The following KALRN variants were observed in gnomAD, a reference collection of about 807,000 sequenced individuals.
KALRN encodes the protein kalirin.
Under a neutral mutation model 353.7 loss-of-function variants are expected in KALRN, and 70 were observed. The ratio of observed to expected loss-of-function variants is 0.20; its 90% CI spans 0.16 to 0.24. The LOEUF is 0.24. KALRN is among the 10% of genes least tolerant of loss of function. The probability of loss-of-function intolerance (pLI) is 1.00; values close to 1 mark genes in which losing one functional copy is unlikely to be tolerated. For synonymous variants in KALRN, 1,391 were observed against 1,434.8 expected (o/e 0.97, Z 0.69); for missense variants, 2,791 against 3,756.7 (o/e 0.74, Z 6.72).
chr3:124,174,673 C>T (rs1242203566), intron 1 of KALRN, among the ~76,000 whole-genome samples: 2 of 152,192 alleles, frequency 1.3e-5, no homozygotes, highest in African/African-American at 4.8e-5. Flanking sequence ...CCCCTCAGGC[C>T]CCCATGCATG....
chr3:124,426,270 T>C (rs1172435793), intron 15 of KALRN, among the ~76,000 whole-genome samples: 2 of 152,202 alleles, frequency 1.3e-5, no homozygotes, highest in African/African-American at 4.8e-5. Context: ...AAAAGGGAGT[T>C]AATTTAGATG....
At chr3:124,463,901 C>T (rs1044611521) in intron 25 of KALRN, among the ~76,000 whole-genome samples, 8 of 152,052 alleles carry the variant, frequency 5.3e-5, no homozygotes, top group South Asian at 2.1e-4. Flanking sequence ...TGAAGCAATA[C>T]GCTCTGGGGG....
At chr3:124,464,478 A>G (rs1416807859) in intron 25 of KALRN, among the ~76,000 whole-genome samples, 3 of 152,186 alleles carry the variant, frequency 2.0e-5, no homozygotes, top group Non-Finnish European at 4.4e-5. Context: ...CAGTTACAAT[A>G]TATAGTTCTA....
chr3:124,220,875 C>T (rs974877601), intron 1 of KALRN, among the ~76,000 whole-genome samples: 4 of 152,202 alleles, frequency 2.6e-5, no homozygotes, highest in African/African-American at 4.8e-5. Context: ...CCAACCTCCC[C>T]GTATCCTCAA....
At chr3:124,552,328 C>T (rs970823028) in intron 33 of KALRN, among the ~76,000 whole-genome samples, 3 of 152,220 alleles carry the variant, frequency 2.0e-5, no homozygotes, top group Admixed American at 6.5e-5. Context: ...CTCTTCCCAT[C>T]TCCAGTCCTG....
intron 17 of KALRN, among the ~76,000 whole-genome samples, chr3:124,437,216 A>T (rs1008984228): frequency 2.2e-4 from 29 of 134,762 alleles, no homozygotes; most frequent in East Asian, 1.4e-3. Flanking sequence ...TCACCTCAAG[A>T]TTGGTGACAG....
At chr3:124,319,872 T>C (rs1285530817) in intron 6 of KALRN, among the ~76,000 whole-genome samples, 1 of 151,950 alleles carries the variant, frequency 6.6e-6, no homozygotes, top group Non-Finnish European at 1.5e-5. Context: ...CATGCGCCTG[T>C]AATCGCAGCT....
chr3:124,238,162 A>G (rs1379267713), intron 3 of KALRN, among the ~76,000 whole-genome samples: 1 of 152,226 alleles, frequency 6.6e-6, no homozygotes, highest in Non-Finnish European at 1.5e-5. Flanking sequence ...GAAGCAGCAC[A>G]TTAAGGCACC....
chr3:124,667,617 C>A (rs1406052190), intron 47 of KALRN, among the ~76,000 whole-genome samples: 1 of 152,212 alleles, frequency 6.6e-6, no homozygotes, highest in Non-Finnish European at 1.5e-5. Flanking sequence ...CTCCTCTGCT[C>A]CCAACAGTGT....
Position 124,674,551 on chromosome 3 carries a change from C to T in KALRN, c.7130C>T (p.Pro2377Leu), listed in dbSNP as rs1441404451. ...DHSPAAEGWV[P>L]GSILAPLTKA... is the part of the protein sequence containing the mutation. ...TCCCCCGCCGCCGAGGGCTGGGTCC[C>T]AGGCAGCATCCTGGCGCCCCTCACC... is the stretch of plus-strand genomic sequence containing the variant. Residue 2377 changes from proline (P) to leucine (L), a missense_variant, in exon 49 of 60, where the codon CCA (proline) becomes CTA (leucine). By Grantham distance (98) the Pro-to-Leu change is moderately conservative. Coordinates refer to ENST00000682506, the MANE Select transcript of KALRN (RefSeq NM_001388419.1). 6.2e-7 allele frequency: 1 copy of T among 1,612,652 alleles called. No homozygotes were observed. The highest frequency in any genetic ancestry group is 8.5e-7 in the Non-Finnish European group (1 of 1,179,200).
At chr3:124,046,751 C>T (rs1488874949) in intron 1 of KALRN, among the ~76,000 whole-genome samples, 1 of 152,092 alleles carries the variant, frequency 6.6e-6, no homozygotes, top group Admixed American at 6.5e-5. Flanking sequence ...GCTTTAAGGC[C>T]TTTTGGAGGC....
intron 35 of KALRN, 141 bp downstream of exon 35, chr3:124,632,844 T>A: frequency 1.2e-6 from 1 of 837,864 alleles, no homozygotes; most frequent in Non-Finnish European, 1.8e-6. Context: ...TTTTTATTCT[T>A]AAGACATTGG....
At chr3:124,511,802 G>C (rs2065931275) in intron 33 of KALRN, among the ~76,000 whole-genome samples, 1 of 152,204 alleles carries the variant, frequency 6.6e-6, no homozygotes, top group African/African-American at 2.4e-5. Flanking sequence ...TCTGTCCTGA[G>C]AGGTACATTT....
rs757232026 is a variant in KALRN, at chr3:124,678,337, C to A, written c.7317+24C>A. Reference sequence around the variant, plus strand: ...AAGTGAGTAAGGTATTCCGGAGCTGCGTCCCCACCTGTCATCCACTCCCAC... The same window carrying A: ...AAGTGAGTAAGGTATTCCGGAGCTGAGTCCCCACCTGTCATCCACTCCCAC... On this transcript the variant is annotated intron_variant, in intron 50 of 59. Coordinates refer to ENST00000682506, the MANE Select transcript of KALRN (RefSeq NM_001388419.1). The A allele has an allele frequency of 1.9e-6, 3 of 1,610,634 alleles. No individual in the cohort carries two copies. The African/African-American group carries it at 4.0e-5, about 22-fold the overall frequency.
chr3:124,099,016 T>A (rs2061650059), intron 1 of KALRN, among the ~76,000 whole-genome samples: 1 of 152,220 alleles, frequency 6.6e-6, no homozygotes, highest in African/African-American at 2.4e-5. Flanking sequence ...TATTTACGGG[T>A]ACACGTGATA....
rs369564400 is a variant in KALRN at position 124,293,929 on chromosome 3, T to TATTC, written c.970-4840_970-4837dup. ...CGAATAACCTATGACCAACTCATAG[T>TATTC]ATTCATTCATTCATTCATTCATTCA... On this transcript the variant is annotated intron_variant, in intron 5 of 59. Transcript: ENST00000682506. Among the ~76,000 whole-genome samples, 1,084 of 152,230 alleles carry TATTC rather than the reference T, an allele frequency of 7.1e-3. 13 individuals carry two copies. Among genetic ancestry groups the TATTC allele is most frequent in the African/African-American group, 0.023 (975 of 41,530 alleles).
chr3:124,432,674 T>C (rs961290292), intron 16 of KALRN, among the ~76,000 whole-genome samples: 2 of 152,214 alleles, frequency 1.3e-5, no homozygotes, highest in African/African-American at 2.4e-5. Context: ...CATGGGTAAA[T>C]GTATTCACAG....
At position 124,315,706 on chromosome 3, in the gene KALRN, T is replaced by G. The variant is rs145778550; in HGVS notation, c.1093-10274T>G. ...ACTCATCTATGGCCACTACTTGTTC[T>G]CCGTCAGGTCTGCATTTGCTAAGCA... is the stretch of plus-strand genomic sequence containing the variant. On this transcript the variant is annotated intron_variant, in intron 6 of 59. Transcript: ENST00000682506. Among the ~76,000 whole-genome samples, 5 of 152,182 alleles carry G rather than the reference T, an allele frequency of 3.3e-5. No individual in the cohort carries two copies. In the East Asian group the frequency reaches 9.7e-4, roughly 29 times the overall value.
intron 25 of KALRN, among the ~76,000 whole-genome samples, chr3:124,466,822 C>T (rs1026258932): frequency 1.1e-4 from 16 of 152,186 alleles, no homozygotes; most frequent in Non-Finnish European, 2.2e-4. Flanking sequence ...CTCTCACTCC[C>T]TAGACCACCA....
Sources: gnomAD v4.1 joint callset for allele counts (sites outside exome capture counted in the v4.1 genomes callset) on GRCh38, gnomAD v4.1.1 for gene constraint, MANE v1.5 for transcripts, NCBI Gene and HGNC (gene_info 2026-07-23, HGNC 2026-07-21) for gene names.